Variants in ASIC2 observed in about 807,000 individuals in gnomAD.
The protein encoded by ASIC2 is acid-sensing ion channel 2.
In ASIC2, 25 loss-of-function variants were observed where a neutral mutation model predicts 57.3. The observed-to-expected ratio is 0.44, with a 90% CI of 0.32 to 0.61. ASIC2 has a LOEUF of 0.61. ASIC2 is among the 20% of genes least tolerant of loss of function. The probability of loss-of-function intolerance (pLI) is 0.06; values close to 1 mark genes in which losing one functional copy is unlikely to be tolerated. For synonymous variants in ASIC2, 319 were observed against 307.5 expected, an observed-to-expected ratio of 1.04 and a Z score of -0.39; for missense variants, 641 against 738.1, an observed-to-expected ratio of 0.87 and a Z score of 1.52.
At position 34,088,372 on chromosome 17, in the gene ASIC2, G is replaced by A. The variant is rs140960288; in HGVS notation, c.555+67606C>T. Among the ~76,000 whole-genome samples, 687 of 152,046 alleles carry A rather than the reference G, an allele frequency of 4.5e-3. 7 individuals are homozygous for A. The highest frequency in any genetic ancestry group is 0.016 in the African/African-American group (661 of 41,454). ...AGAACAGCGGTTTTTCGTGAACGGC[G>A]AATGCTGCTGTCTGATTGTTCCTCT... On this transcript the variant is annotated intron_variant, in intron 1 of 9. Transcript: ENST00000359872.
At chr17:33,269,682 C>T (rs1904389939) in intron 1 of ASIC2, among the ~76,000 whole-genome samples, 2 of 64,140 alleles carry the variant, frequency 3.1e-5, no homozygotes, top group African/African-American at 5.3e-5. Flanking sequence ...TTCCCTCCCT[C>T]CCTCCTGCCT....
chr17:33,191,897 A>C (rs1485675743), intron 1 of ASIC2, among the ~76,000 whole-genome samples: 2 of 152,060 alleles, frequency 1.3e-5, no homozygotes, highest in Non-Finnish European at 1.5e-5. Flanking sequence ...CCTTTTCCTC[A>C]ATCCTCCATT....
chr17:34,146,188 G>A (rs1055586527), intron 1 of ASIC2, among the ~76,000 whole-genome samples: 1 of 152,180 alleles, frequency 6.6e-6, no homozygotes, highest in African/African-American at 2.4e-5. Flanking sequence ...GCTCATTTGA[G>A]TTATGAGGGC....
At chr17:33,627,793 A>T (rs754637641) in intron 1 of ASIC2, among the ~76,000 whole-genome samples, 1 of 152,208 alleles carries the variant, frequency 6.6e-6, no homozygotes, top group Non-Finnish European at 1.5e-5. Context: ...TAAGCTGTTC[A>T]GCCTCAGCCG....
At chr17:33,608,266 G>A (rs1172741614) in intron 1 of ASIC2, among the ~76,000 whole-genome samples, 4 of 152,152 alleles carry the variant, frequency 2.6e-5, no homozygotes, top group African/African-American at 9.7e-5. Flanking sequence ...TAGAGGGTGA[G>A]TGTGAGGTTC....
At chr17:33,093,914 G>T (rs1047908312) in intron 2 of ASIC2, among the ~76,000 whole-genome samples, 1 of 152,174 alleles carries the variant, frequency 6.6e-6, no homozygotes, top group African/African-American at 2.4e-5. Context: ...GAGAGTGAAC[G>T]TGCTGATACA....
chr17:33,621,794 G>T (rs1289874951), intron 1 of ASIC2, among the ~76,000 whole-genome samples: 1 of 152,060 alleles, frequency 6.6e-6, no homozygotes, highest in African/African-American at 2.4e-5. Flanking sequence ...CTACTAATTA[G>T]ATCTTCTACT....
chr17:33,662,702 C>G (rs1185210391), intron 1 of ASIC2, among the ~76,000 whole-genome samples: 1 of 151,068 alleles, frequency 6.6e-6, no homozygotes, highest in Non-Finnish European at 1.5e-5. Context: ...GTTCTACTCA[C>G]TTTTAGTACT....
intron 1 of ASIC2, among the ~76,000 whole-genome samples, chr17:33,336,852 A>G (rs534859601): frequency 6.6e-6 from 1 of 152,278 alleles, no homozygotes; most frequent in East Asian, 1.9e-4. Flanking sequence ...TGATACAAAA[A>G]GGAGCTGGAG....
chr17:33,940,820 G>T (rs191404098), intron 1 of ASIC2, among the ~76,000 whole-genome samples: 141 of 152,320 alleles, frequency 9.3e-4, no homozygotes, highest in African/African-American at 3.2e-3. Context: ...CTTGGTGTTT[G>T]ACCTGAGACT....
chr17:33,615,400 C>A (rs1905568974), intron 1 of ASIC2, among the ~76,000 whole-genome samples: 1 of 152,058 alleles, frequency 6.6e-6, no homozygotes, highest in African/African-American at 2.4e-5. Flanking sequence ...ATTCAATAGA[C>A]CTTTTTAAGA....
chr17:33,406,787 C>T (rs1297708383), intron 1 of ASIC2, among the ~76,000 whole-genome samples: 3 of 152,106 alleles, frequency 2.0e-5, no homozygotes, highest in Non-Finnish European at 2.9e-5. Context: ...ATATTCCTAC[C>T]CCTAAAGAGT....
chr17:33,568,064 C>T (rs996168537), intron 1 of ASIC2, among the ~76,000 whole-genome samples: 1 of 152,188 alleles, frequency 6.6e-6, no homozygotes, highest in Non-Finnish European at 1.5e-5. Flanking sequence ...CTTCAAATGG[C>T]AGTAACATCA....
chr17:33,174,807 T>A (rs1036119623), intron 1 of ASIC2, among the ~76,000 whole-genome samples: 5 of 152,142 alleles, frequency 3.3e-5, no homozygotes, highest in Non-Finnish European at 7.4e-5. Context: ...TTGATCTACA[T>A]AGGACATGTA....
At chr17:34,106,255 T>C (rs1911049357) in intron 1 of ASIC2, among the ~76,000 whole-genome samples, 1 of 152,206 alleles carries the variant, frequency 6.6e-6, no homozygotes, top group African/African-American at 2.4e-5. Flanking sequence ...ATTTGATCAT[T>C]TGTTCAAGGT....
At chr17:34,039,685 C>T (rs1908030533) in intron 1 of ASIC2, 3 of 1,612,266 alleles carry the variant, frequency 1.9e-6, no homozygotes, top group Middle Eastern at 1.6e-4. Flanking sequence ...TTTTCTTTTC[C>T]GATTTCGCTG....
chr17:33,111,926 C>T lies in ASIC2; in HGVS notation c.850G>A (p.Gly284Arg), dbSNP rs778055319. 4.3e-6 allele frequency: 7 copies of T among 1,612,222 alleles called. No homozygotes were observed. The highest frequency in any genetic ancestry group is 1.3e-5 in the African/African-American group (1 of 74,898). The part of the protein sequence containing the change: ...IQQDEYLPIW[G>R]ETEETTFEAG... ...CCTGTGCCCAGCTCACCTGTCTCTCCCCAGATGGGCAGGTACTCATCCTGC... is the reference window on the plus strand; with the variant it reads ...CCTGTGCCCAGCTCACCTGTCTCTCTCCAGATGGGCAGGTACTCATCCTGC... Residue 284 changes from glycine to arginine, a missense_variant, in exon 2 of 10, where the codon GGA becomes AGA. By Grantham distance (125) the Gly-to-Arg change is moderately radical (BLOSUM62 -2). Around this residue, in one of 3 missense-constraint regions of ASIC2, gnomAD observed 382 missense variants for 398.0 expected, o/e 0.96. Transcript: ENST00000225823.
chr17:34,008,391 G>T lies in ASIC2; in HGVS notation c.555+147587C>A, dbSNP rs565616511. Among the ~76,000 whole-genome samples the T allele has an allele frequency of 9.7e-4, 147 of 152,202 alleles. 1 individual carries two copies. Among genetic ancestry groups the T allele is most frequent in the Middle Eastern group, 3.2e-3 (1 of 316 alleles). ...CTTGTTAAGATTGAGGCTGGGACAA[G>T]ATGACACCCAGGGGAGGGACTCATT... is the stretch of plus-strand genomic sequence containing the variant. On this transcript the variant is annotated intron_variant, in intron 1 of 9. Transcript: ENST00000359872.
intron 1 of ASIC2, among the ~76,000 whole-genome samples, chr17:33,754,656 T>C (rs1031361213): frequency 5.3e-5 from 8 of 152,164 alleles, no homozygotes; most frequent in African/African-American, 1.9e-4. Flanking sequence ...AGTATATGTG[T>C]TAAAGAACAG....
Sources: allele counts gnomAD v4.1 joint callset (sites outside exome capture counted in the v4.1 genomes callset), GRCh38; gene constraint gnomAD v4.1.1; regional missense constraint gnomAD v4.1.1; transcripts MANE v1.5; gene names NCBI Gene and HGNC (gene_info 2026-07-23, HGNC 2026-07-21).